Variants in CSNK1G1 observed in about 807,000 individuals in gnomAD.
CSNK1G1 encodes casein kinase 1 gamma 1.
CSNK1G1 carries 22 observed loss-of-function variants against 59.6 expected under a neutral mutation model. The ratio of observed to expected loss-of-function variants is 0.37; its 90% CI spans 0.26 to 0.53. The LOEUF (loss-of-function observed/expected upper bound fraction) is 0.53. Ranked by LOEUF, CSNK1G1 falls within the 20% of genes least tolerant of loss-of-function variation. The pLI, the probability that CSNK1G1 is intolerant of heterozygous loss-of-function variation, is 0.89. For missense variants in CSNK1G1, 384 were observed against 519.5 expected, an observed-to-expected ratio of 0.74 and a Z score of 2.54; for synonymous variants, 179 against 177.1, an observed-to-expected ratio of 1.01 and a Z score of -0.08.
At chr15:64,349,674 C>A (rs1232701321) in intron 1 of CSNK1G1, among the ~76,000 whole-genome samples, 3 of 152,156 alleles carry the variant, frequency 2.0e-5, no homozygotes, top group Admixed American at 6.6e-5. Context: ...ATTTCAATTT[C>A]TCTGAGATGA....
chr15:64,270,759 C>CAAA (rs746403335), intron 2 of CSNK1G1, among the ~76,000 whole-genome samples: 71 of 103,384 alleles, frequency 6.9e-4, no homozygotes, highest in African/African-American at 2.2e-3. Context: ...GACTCCGTCT[C>CAAA]AAAAAAAAAA....
rs189780227 is a variant in CSNK1G1, at chr15:64,252,996, C to G, written c.223-1415G>C. ...GCTGAGGCAGGAGGATCACTGGAGA[C>G]CAGGAGTTTAAGACCAGCCTGGGCA... On this transcript the variant is annotated intron_variant, in intron 3 of 11. Transcript: ENST00000303052. Among the ~76,000 whole-genome samples the G allele has an allele frequency of 1.8e-3, 281 of 152,222 alleles. 1 individual carries two copies. Among genetic ancestry groups the G allele is most frequent in the Middle Eastern group, 6.8e-3 (2 of 294 alleles).
intron 1 of CSNK1G1, among the ~76,000 whole-genome samples, chr15:64,322,218 T>C (rs1205289055): frequency 6.6e-6 from 1 of 152,216 alleles, no homozygotes; most frequent in African/African-American, 2.4e-5. Flanking sequence ...TTCCTAGTTT[T>C]GTGCATGAAA....
Position 64,214,483 on chromosome 15 carries a change from A to C in CSNK1G1, c.445-359T>G, listed in dbSNP as rs1402437451. Among the ~76,000 whole-genome samples the C allele has an allele frequency of 6.6e-6, 1 of 152,204 alleles. No homozygotes were observed. Among genetic ancestry groups the C allele is most frequent in the Non-Finnish European group, 1.5e-5 (1 of 68,032 alleles). The stretch of plus-strand genomic sequence containing the variant: ...AAGAAGTATTCCCAGGTAGGATATC[A>C]AACTGTTGGTGACCTTTGAGACAAA... On this transcript the variant is annotated intron_variant, in intron 5 of 11. Coordinates refer to ENST00000303052, the MANE Select transcript of CSNK1G1 (RefSeq NM_022048.5). This position sits in a 1 kb window ranked among gnomAD's most constrained non-coding sequence, Gnocchi z 4.3.
Position 64,216,871 on chromosome 15 carries a change from C to G in CSNK1G1, c.293-158G>C, listed in dbSNP as rs909161985. ...TACTGGAAACTCAAACTGAGCACAACAGCTTCAATGGGAACTAATAATGAT... is the reference window on the plus strand; with the variant it reads ...TACTGGAAACTCAAACTGAGCACAAGAGCTTCAATGGGAACTAATAATGAT... On this transcript the variant is annotated intron_variant, in intron 4 of 11. Transcript: ENST00000303052. This position sits in a 1 kb window ranked among gnomAD's most constrained non-coding sequence, Gnocchi z 4.6. 3.3e-5 allele frequency among the ~76,000 whole-genome samples: 5 copies of G among 152,210 alleles called. No individual in the cohort carries two copies. Among genetic ancestry groups the G allele is most frequent in the Admixed American group, 6.5e-5 (1 of 15,278 alleles).
chr15:64,236,316 C>A (rs1031590853), intron 4 of CSNK1G1, among the ~76,000 whole-genome samples: 2 of 152,200 alleles, frequency 1.3e-5, no homozygotes, highest in South Asian at 2.1e-4. Flanking sequence ...GCTATCCATT[C>A]ATACTTTTGC....
chr15:64,204,751 T>G, intron 8 of CSNK1G1, 114 bp downstream of exon 8: 1 of 1,121,304 alleles, frequency 8.9e-7, no homozygotes, highest in Non-Finnish European at 1.3e-6. Flanking sequence ...TTGGTCTGTA[T>G]CACAAAAGGA....
chr15:64,342,416 C>G (rs1426224235), intron 1 of CSNK1G1: 2 of 152,192 alleles, frequency 1.3e-5, no homozygotes, highest in Non-Finnish European at 1.5e-5. Context: ...ACTAATACTT[C>G]CCTAGAACAA....
rs183794504 is a variant in CSNK1G1 at position 64,231,727 on chromosome 15, C to G, written c.293-15014G>C. ...CCACTCTCTCTATAAAACCTTTTCT[C>G]TTTCTCAAAATTAGAAACCATTTTT... On this transcript the variant is annotated intron_variant, in intron 4 of 11. Transcript: ENST00000303052. Among the ~76,000 whole-genome samples the G allele has an allele frequency of 1.4e-4, 21 of 152,106 alleles. No individual in the cohort carries two copies. The East Asian group carries it at 3.9e-3, about 28-fold the overall frequency.
chr15:64,284,023 G>A (rs1038170854), intron 2 of CSNK1G1, among the ~76,000 whole-genome samples: 8 of 152,012 alleles, frequency 5.3e-5, no homozygotes, highest in South Asian at 2.1e-4. Context: ...TTTGTGGTAT[G>A]AGGTAAGCGT....
rs2081615777 is a variant in CSNK1G1, at chr15:64,167,496, A to G, written c.*4435T>C. The G allele has an allele frequency of 6.5e-6, 1 of 152,676 alleles. No homozygotes were observed. The highest frequency in any genetic ancestry group is 2.4e-5 in the African/African-American group (1 of 41,466). The allele number at this position is 152,676 out of a possible 1,614,324, so 9.5% of individuals were successfully genotyped here. On this transcript the variant is annotated 3_prime_UTR_variant, in exon 12 of 12. Transcript: ENST00000303052. Reference sequence around the variant, plus strand: ...CCCGAGAGATAAGTGCCTGTCACTTACGTGGCCAATTCAGATGGGTTGCCT... The same window carrying G: ...CCCGAGAGATAAGTGCCTGTCACTTGCGTGGCCAATTCAGATGGGTTGCCT...
At chr15:64,225,720 A>G (rs920610815) in intron 4 of CSNK1G1, among the ~76,000 whole-genome samples, 3 of 152,062 alleles carry the variant, frequency 2.0e-5, no homozygotes, top group Non-Finnish European at 4.4e-5. Context: ...TCTGCCTCCC[A>G]AGTTCAACTG....
chr15:64,272,550 C>T (rs1566928409), intron 2 of CSNK1G1, among the ~76,000 whole-genome samples: 1 of 152,056 alleles, frequency 6.6e-6, no homozygotes, highest in South Asian at 2.1e-4. Context: ...GGTATTTAGC[C>T]TGTTTACATT....
intron 1 of CSNK1G1, among the ~76,000 whole-genome samples, chr15:64,347,683 A>C (rs1898053666): frequency 1.3e-5 from 2 of 152,022 alleles, no homozygotes; most frequent in Non-Finnish European, 2.9e-5. Context: ...ATTGTCCTGC[A>C]ATAAAAAGAA....
At chr15:64,286,932 T>C (rs1894455617) in intron 2 of CSNK1G1, among the ~76,000 whole-genome samples, 1 of 152,232 alleles carries the variant, frequency 6.6e-6, no homozygotes, top group African/African-American at 2.4e-5. Context: ...ACTTAAAAGA[T>C]CATTAGTTAT....
chr15:64,213,548 T>G (rs151257217), intron 6 of CSNK1G1, among the ~76,000 whole-genome samples: 43 of 152,336 alleles, frequency 2.8e-4, no homozygotes, highest in Admixed American at 2.8e-3. Context: ...CAGCCTGATG[T>G]CCTCTTCAGG....
intron 1 of CSNK1G1, among the ~76,000 whole-genome samples, chr15:64,308,352 G>A (rs1287948581): frequency 6.6e-6 from 1 of 152,038 alleles, no homozygotes; most frequent in East Asian, 1.9e-4. Context: ...TCCAGCCTTG[G>A]CCTCCCACAG....
chr15:64,182,650 T>C lies in CSNK1G1; in HGVS notation c.1108-2196A>G, dbSNP rs11853638. ...CTTAGAAGATACAGGCTGAAGTACTTTGGGATAAGATATAATGATGTCTGC... is the reference window on the plus strand; with the variant it reads ...CTTAGAAGATACAGGCTGAAGTACTCTGGGATAAGATATAATGATGTCTGC... On this transcript the variant is annotated intron_variant, in intron 10 of 11. Coordinates refer to ENST00000303052, the MANE Select transcript of CSNK1G1 (RefSeq NM_022048.5). Among the ~76,000 whole-genome samples, 1,255 of 152,238 alleles carry C rather than the reference T, an allele frequency of 8.2e-3. 17 individuals are homozygous for C. Among genetic ancestry groups the C allele is most frequent in the African/African-American group, 0.028 (1,178 of 41,524 alleles).
At position 64,176,413 on chromosome 15, in the gene CSNK1G1, G is replaced by C. The variant is rs953716584; in HGVS notation, c.1214+3935C>G. On this transcript the variant is annotated intron_variant, in intron 11 of 11. Coordinates refer to ENST00000303052, the MANE Select transcript of CSNK1G1 (RefSeq NM_022048.5). This position sits in a 1 kb window ranked among gnomAD's most constrained non-coding sequence, Gnocchi z 5.2. ...AACATGCAGTATGTGTCTGTGTTTA[G>C]TTTCTTCTTCTGTCAAGGTAGGCTG... is the stretch of plus-strand genomic sequence containing the variant. 2.5e-6 allele frequency: 1 copy of C among 396,592 alleles called. No individual in the cohort carries two copies. 24.6% of individuals were successfully genotyped at this position (396,592 alleles called of 1,614,324 possible). A position where few individuals can be genotyped will look rare whatever the true frequency, so the allele number is the denominator to read the frequency against.
Sources: allele counts gnomAD v4.1 joint callset (sites outside exome capture counted in the v4.1 genomes callset), GRCh38; gene constraint gnomAD v4.1.1; non-coding constraint Gnocchi (gnomAD v3.1); transcripts MANE v1.5; gene names NCBI Gene and HGNC (gene_info 2026-07-23, HGNC 2026-07-21).